AGBL1: variants seen among roughly 807,000 people sequenced by gnomAD.
The protein encoded by AGBL1 is cytosolic carboxypeptidase 4.
A neutral mutation model predicts 118.9 loss-of-function variants in AGBL1; 130 were observed. The ratio of observed to expected loss-of-function variants is 1.09; its 90% CI spans 0.95 to 1.26. The LOEUF (loss-of-function observed/expected upper bound fraction) is 1.26, where lower values mean the gene tolerates loss of function less well. Among genes scored for constraint, AGBL1 ranks in the 50% most tolerant of loss-of-function variants. The pLI is 0.00. For missense variants in AGBL1, 1,584 were observed against 1,298.1 expected (o/e 1.22, Z -3.38); for synonymous variants, 555 against 478.9 (o/e 1.16, Z -2.08).
At chr15:86,114,091 A>C (rs1897607220) in intron 1 of AGBL1, among the ~76,000 whole-genome samples, 1 of 152,284 alleles carries the variant, frequency 6.6e-6, no homozygotes, top group South Asian at 2.1e-4. Flanking sequence ...GAGGCTTAAC[A>C]AATAGAAATT....
At chr15:86,559,550 T>C (rs537082228) in intron 21 of AGBL1, among the ~76,000 whole-genome samples, 2 of 152,324 alleles carry the variant, frequency 1.3e-5, no homozygotes, top group East Asian at 3.9e-4. Flanking sequence ...AGTATTATAA[T>C]ACACAATGTT....
At chr15:86,229,008 C>G (rs557804547) in intron 6 of AGBL1, among the ~76,000 whole-genome samples, 1 of 152,308 alleles carries the variant, frequency 6.6e-6, no homozygotes, top group African/African-American at 2.4e-5. Flanking sequence ...CTCACATGCA[C>G]AAATCCCACC....
chr15:86,254,344 G>A (rs959923009), intron 7 of AGBL1, among the ~76,000 whole-genome samples: 3 of 152,208 alleles, frequency 2.0e-5, no homozygotes. Context: ...TGAAGACACT[G>A]TGGCACAGAG....
intron 22 of AGBL1, among the ~76,000 whole-genome samples, chr15:86,693,034 A>G (rs116816661): frequency 0.02 from 3,022 of 152,182 alleles, 101 homozygotes; most frequent in African/African-American, 0.068. Flanking sequence ...AGCTAATTCC[A>G]TATTTTTGCA....
intron 22 of AGBL1, among the ~76,000 whole-genome samples, chr15:86,722,657 G>A (rs1041583747): frequency 5.9e-5 from 9 of 152,170 alleles, no homozygotes; most frequent in African/African-American, 2.2e-4. Flanking sequence ...ATTGACAAAT[G>A]GGATCTAATT....
At chr15:86,427,699 C>T (rs1466629107) in intron 18 of AGBL1, among the ~76,000 whole-genome samples, 1 of 152,108 alleles carries the variant, frequency 6.6e-6, no homozygotes, top group Non-Finnish European at 1.5e-5. Flanking sequence ...CCAGTTTATT[C>T]TCAAAAACTG....
At chr15:86,441,899 A>G (rs1461876336) in intron 18 of AGBL1, among the ~76,000 whole-genome samples, 1 of 152,228 alleles carries the variant, frequency 6.6e-6, no homozygotes, top group Non-Finnish European at 1.5e-5. Context: ...CCGTTCTTGA[A>G]CAGGGAAGGA....
chr15:86,527,615 C>T (rs1302208692), intron 19 of AGBL1, among the ~76,000 whole-genome samples: 4 of 152,132 alleles, frequency 2.6e-5, no homozygotes, highest in Admixed American at 1.3e-4. Flanking sequence ...TCCACTGCGA[C>T]GAGATTAACT....
At chr15:86,532,244 T>G (rs566900901) in intron 19 of AGBL1, among the ~76,000 whole-genome samples, 1,693 of 151,660 alleles carry the variant, frequency 0.011, 24 homozygotes, top group African/African-American at 0.038. Context: ...CTTAAGCTGA[T>G]AAGCAACTTC....
chr15:86,987,669 A>G (rs918965412), intron 23 of AGBL1, among the ~76,000 whole-genome samples: 1 of 152,174 alleles, frequency 6.6e-6, no homozygotes, highest in Non-Finnish European at 1.5e-5. Flanking sequence ...CTCCGCATCT[A>G]ATGATATAAT....
At chr15:86,990,261 T>A (rs1038379409) in intron 24 of AGBL1, among the ~76,000 whole-genome samples, 12 of 152,164 alleles carry the variant, frequency 7.9e-5, no homozygotes, top group African/African-American at 2.7e-4. Context: ...ACATCTATAA[T>A]CCCAGCACTT....
intron 17 of AGBL1, chr15:86,299,956 T>G (rs909939174): frequency 6.6e-5 from 10 of 152,258 alleles, no homozygotes; most frequent in Admixed American, 2.6e-4. Context: ...TGATTCTACC[T>G]TTGCCCAGAC....
At chr15:86,667,264 A>ATCTATCTATCTATCTATCTG (rs2085663978) in intron 21 of AGBL1, among the ~76,000 whole-genome samples, 1 of 150,678 alleles carries the variant, frequency 6.6e-6, no homozygotes, top group Non-Finnish European at 1.5e-5. Context: ...GTATCTATCT[A>ATCTATCTATCTATCTATCTG]TCTATCTGTC....
At chr15:86,582,409 G>T (rs2084183033) in intron 21 of AGBL1, among the ~76,000 whole-genome samples, 1 of 152,110 alleles carries the variant, frequency 6.6e-6, no homozygotes, top group African/African-American at 2.4e-5. Flanking sequence ...TGTTGGTGGG[G>T]CTATAAACAC....
chr15:86,751,256 TC>T, intron 22 of AGBL1, among the ~76,000 whole-genome samples: 1 of 152,258 alleles, frequency 6.6e-6, no homozygotes, highest in East Asian at 1.9e-4. Flanking sequence ...GTGTAAGTGT[TC>T]CTTTTTCTTC....
chr15:86,095,989 T>G (rs79117080), intron 1 of AGBL1, among the ~76,000 whole-genome samples: 1 of 152,088 alleles, frequency 6.6e-6, no homozygotes, highest in Admixed American at 6.6e-5. Context: ...TACTTTTATA[T>G]TTTTTTTCAT....
At chr15:86,128,516 C>A (rs546250128) in intron 1 of AGBL1, among the ~76,000 whole-genome samples, 12 of 152,330 alleles carry the variant, frequency 7.9e-5, no homozygotes, top group African/African-American at 2.2e-4. Flanking sequence ...ACCGTATGAG[C>A]AACTTGGGAG....
At chr15:86,677,632 A>G (rs905435269) in intron 22 of AGBL1, among the ~76,000 whole-genome samples, 2 of 152,280 alleles carry the variant, frequency 1.3e-5, no homozygotes, top group African/African-American at 4.8e-5. Flanking sequence ...TAATAACAAG[A>G]GAAAGCTAAA....
chr15:86,575,208 T>C (rs2084071809), intron 21 of AGBL1, among the ~76,000 whole-genome samples: 1 of 151,514 alleles, frequency 6.6e-6, no homozygotes, highest in Admixed American at 6.6e-5. Flanking sequence ...AAAAAAGTTA[T>C]TGCACATGGG....
Sources: allele counts gnomAD v4.1 joint callset (sites outside exome capture counted in the v4.1 genomes callset), GRCh38; gene constraint gnomAD v4.1.1; transcripts MANE v1.5; gene names NCBI Gene and HGNC (gene_info 2026-07-23, HGNC 2026-07-21).